The following UHMK1 variants were observed in gnomAD, a reference collection of about 807,000 sequenced individuals.
UHMK1 encodes serine/threonine-protein kinase Kist.
Under a neutral mutation model 44.0 loss-of-function variants are expected in UHMK1, and 18 were observed. The ratio of observed to expected loss-of-function variants is 0.41; its 90% CI spans 0.28 to 0.61. UHMK1 has a LOEUF of 0.61. UHMK1 is among the 20% of genes least tolerant of loss of function. The pLI, the probability that UHMK1 is intolerant of heterozygous loss-of-function variation, is 0.31. For synonymous variants in UHMK1, 231 were observed against 198.5 expected, an observed-to-expected ratio of 1.16 and a Z score of -1.38; for missense variants, 463 against 522.5, an observed-to-expected ratio of 0.89 and a Z score of 1.11.
At chr1:162,504,733 G>A (rs1220328598) in intron 4 of UHMK1, among the ~76,000 whole-genome samples, 1 of 151,840 alleles carries the variant, frequency 6.6e-6, no homozygotes, top group East Asian at 1.9e-4. Flanking sequence ...TAAGACTAAG[G>A]GTAAACACTG....
chr1:162,525,503 T>TA lies in UHMK1; in HGVS notation c.*2954dup, dbSNP rs1451180094. 2 of 152,222 alleles carry TA rather than the reference T, an allele frequency of 1.3e-5. No homozygotes were observed. Among genetic ancestry groups the TA allele is most frequent in the African/African-American group, 4.8e-5 (2 of 41,468 alleles). 9.4% of individuals were successfully genotyped at this position (152,222 alleles called of 1,614,324 possible). On this transcript the variant is annotated 3_prime_UTR_variant, in exon 8 of 8. Coordinates refer to ENST00000489294, the MANE Select transcript of UHMK1 (RefSeq NM_175866.5). ...CATACAGTGATTATTTTGTGGGAAA[T>TA]ACTTGATTCTTTTGAAATATATTTG... is the stretch of plus-strand genomic sequence containing the variant.
At chr1:162,507,699 A>C (rs1397798717) in intron 4 of UHMK1, among the ~76,000 whole-genome samples, 2 of 146,554 alleles carry the variant, frequency 1.4e-5, no homozygotes, top group African/African-American at 5.1e-5. Context: ...CCATTCTCCT[A>C]CCTCAGCCTC....
chr1:162,519,100 T>TGA (rs1651952285), intron 7 of UHMK1, among the ~76,000 whole-genome samples: 1 of 150,180 alleles, frequency 6.7e-6, no homozygotes, highest in Admixed American at 6.6e-5. Flanking sequence ...GTGGATCACC[T>TGA]GAGGTCAGGA....
At chr1:162,519,204 G>A (rs1398220421) in intron 7 of UHMK1, among the ~76,000 whole-genome samples, 1 of 151,754 alleles carries the variant, frequency 6.6e-6, no homozygotes, top group Non-Finnish European at 1.5e-5. Flanking sequence ...TATAGTCCCA[G>A]CTCTTCAGGG....
chr1:162,498,000 G>T lies in UHMK1; in HGVS notation c.-1G>T. 1 of 1,577,844 alleles carries T rather than the reference G, an allele frequency of 6.3e-7. No individual in the cohort carries two copies. Among genetic ancestry groups the T allele is most frequent in the Non-Finnish European group, 8.6e-7 (1 of 1,160,410 alleles). On this transcript the variant is annotated 5_prime_UTR_variant, in exon 1 of 8. Transcript: ENST00000489294. Reference sequence around the variant, plus strand: ...CGTGTCCGTGCCCTTAACCCACACCGATGGCGGGATCCGGCTGCGCCTGGG... The same window carrying T: ...CGTGTCCGTGCCCTTAACCCACACCTATGGCGGGATCCGGCTGCGCCTGGG...
rs1652276658 is a variant in UHMK1, at chr1:162,527,084, A to T, written c.*4534A>T. The T allele has an allele frequency of 6.6e-6, 1 of 152,106 alleles. No homozygotes were observed. Among genetic ancestry groups the T allele is most frequent in the South Asian group, 2.1e-4 (1 of 4,826 alleles). The allele number at this position is 152,106 out of a possible 1,614,324, so 9.4% of individuals were successfully genotyped here. A position where few individuals can be genotyped will look rare whatever the true frequency, so the allele number is the denominator to read the frequency against. Reference sequence around the variant, plus strand: ...TACAGAGCTGAGCCTCTTGTGGTATATTAAGATAAGTCCCATTCTTAATCA... The same window carrying T: ...TACAGAGCTGAGCCTCTTGTGGTATTTTAAGATAAGTCCCATTCTTAATCA... On this transcript the variant is annotated 3_prime_UTR_variant, in exon 8 of 8. Coordinates refer to ENST00000489294, the MANE Select transcript of UHMK1 (RefSeq NM_175866.5).
At chr1:162,506,290 A>T (rs1651466458) in intron 4 of UHMK1, among the ~76,000 whole-genome samples, 1 of 150,342 alleles carries the variant, frequency 6.7e-6, no homozygotes, top group Non-Finnish European at 1.5e-5. Context: ...ATCATGAGGA[A>T]AATAAAAATT....
intron 6 of UHMK1, among the ~76,000 whole-genome samples, chr1:162,517,312 A>G (rs1192027034): frequency 2.0e-5 from 3 of 152,160 alleles, no homozygotes; most frequent in Non-Finnish European, 2.9e-5. Context: ...AACAAAAAGG[A>G]AAGAAAGAAA....
At chr1:162,500,739 C>T (rs1288818190) in intron 2 of UHMK1, 174 bp from the exon 3 acceptor site, 2 of 609,896 alleles carry the variant, frequency 3.3e-6, no homozygotes, top group Non-Finnish European at 5.6e-6. Context: ...CAGCTTGCCT[C>T]TGAGAACTGC....
rs943796148 is a variant in UHMK1 at position 162,522,628 on chromosome 1, C to T, written c.*78C>T. The T allele has an allele frequency of 6.9e-7, 1 of 1,439,792 alleles. No individual in the cohort carries two copies. The highest frequency in any genetic ancestry group is 1.4e-5 in the African/African-American group (1 of 70,018). 89.2% of individuals were successfully genotyped at this position (1,439,792 alleles called of 1,614,324 possible). A position where few individuals can be genotyped will look rare whatever the true frequency, so the allele number is the denominator to read the frequency against. ...TCCACATATGAATGCAGGACTACCC[C>T]CTTACCATTTTAAGAAGGTACTTTA... On this transcript the variant is annotated 3_prime_UTR_variant, in exon 8 of 8. Coordinates refer to ENST00000489294, the MANE Select transcript of UHMK1 (RefSeq NM_175866.5).
chr1:162,509,767 C>G (rs943890756), intron 4 of UHMK1, among the ~76,000 whole-genome samples: 1 of 152,146 alleles, frequency 6.6e-6, no homozygotes, highest in African/African-American at 2.4e-5. Context: ...TCAGCCTCCC[C>G]AAATAGCTGG....
In UHMK1 at chr1:162,518,059, TTATTA is replaced by T. The variant is rs749012309; in HGVS notation, c.1025-39_1025-35del. On this transcript the variant is annotated intron_variant, in intron 6 of 7. Transcript: ENST00000489294. Reference sequence around the variant, plus strand: ...AAAATTTAAAATGTTGAATACTTGTTTATTATATCAGAGCAGTTACTGTTATGTGT... The same window carrying T: ...AAAATTTAAAATGTTGAATACTTGTTTATCAGAGCAGTTACTGTTATGTGT... 8 of 1,375,586 alleles carry T rather than the reference TTATTA, an allele frequency of 5.8e-6. No individual in the cohort carries two copies. In the Admixed American group the frequency reaches 1.5e-4, roughly 25 times the overall value. The allele number at this position is 1,375,586 out of a possible 1,614,324, so 85.2% of individuals were successfully genotyped here.
chr1:162,514,745 G>T (rs771049345), intron 6 of UHMK1, among the ~76,000 whole-genome samples: 1 of 152,184 alleles, frequency 6.6e-6, no homozygotes, highest in Non-Finnish European at 1.5e-5. Flanking sequence ...GCAGATGGTG[G>T]TCCTAGTTAA....
chr1:162,508,971 G>A (rs1262570982), intron 4 of UHMK1, among the ~76,000 whole-genome samples: 2 of 151,864 alleles, frequency 1.3e-5, no homozygotes, highest in Non-Finnish European at 2.9e-5. Context: ...TTTTTTTGTA[G>A]ACAAAGTCAC....
intron 4 of UHMK1, among the ~76,000 whole-genome samples, chr1:162,504,577 G>C (rs754473524): frequency 6.6e-5 from 10 of 152,140 alleles, no homozygotes; most frequent in Non-Finnish European, 1.3e-4. Flanking sequence ...AAAAGATACA[G>C]TAAAAATACA....
At chr1:162,514,036 C>T (rs1651754180) in intron 6 of UHMK1, among the ~76,000 whole-genome samples, 1 of 152,162 alleles carries the variant, frequency 6.6e-6, no homozygotes, top group Non-Finnish European at 1.5e-5. Flanking sequence ...CAGGGCCAAA[C>T]TTAGACCAAG....
At chr1:162,503,964 G>A in intron 4 of UHMK1, 116 bp downstream of exon 4, 4 of 784,442 alleles carry the variant, frequency 5.1e-6, no homozygotes, top group South Asian at 4.4e-5. Context: ...CATAAGTAAT[G>A]AAATAGTTTT....
chr1:162,512,885 T>A lies in UHMK1; in HGVS notation c.1024+62T>A. ...CTTAAATAAGTCTAGAATAAACATA[T>A]CCGTAACATTTTCATATTTCTCAAT... On this transcript the variant is annotated intron_variant, in intron 6 of 7. Coordinates refer to ENST00000489294, the MANE Select transcript of UHMK1 (RefSeq NM_175866.5). The A allele has an allele frequency of 2.1e-6, 3 of 1,427,106 alleles. No homozygotes were observed. The South Asian group carries it at 3.5e-5, about 17-fold the overall frequency. The allele number at this position is 1,427,106 out of a possible 1,614,324, so 88.4% of individuals were successfully genotyped here.
Position 162,519,795 on chromosome 1 carries a change from A to G in UHMK1, c.1113+1605A>G, listed in dbSNP as rs146572666. 6.4e-3 allele frequency among the ~76,000 whole-genome samples: 969 copies of G among 152,262 alleles called. 11 individuals are homozygous for G. The highest frequency in any genetic ancestry group is 9.3e-3 in the Non-Finnish European group (633 of 68,010). On this transcript the variant is annotated intron_variant, in intron 7 of 7. Transcript: ENST00000489294. ...TGTCCTCTACACTATAGAACGTTTAACAGCTTTCCTGATTTCTACCCACTT... is the reference window on the plus strand; with the variant it reads ...TGTCCTCTACACTATAGAACGTTTAGCAGCTTTCCTGATTTCTACCCACTT...
Sources: allele counts gnomAD v4.1 joint callset (sites outside exome capture counted in the v4.1 genomes callset), GRCh38; gene constraint gnomAD v4.1.1; transcripts MANE v1.5; gene names NCBI Gene and HGNC (gene_info 2026-07-23, HGNC 2026-07-21).